The following TTLL2 variants were observed in gnomAD, a reference collection of about 807,000 sequenced individuals.
TTLL2 encodes the protein probable tubulin polyglutamylase TTLL2.
A neutral mutation model predicts 7.5 loss-of-function variants in TTLL2; 10 were observed. That is an observed-to-expected ratio of 1.33 (90% CI 0.82 to 2.25). The LOEUF (loss-of-function observed/expected upper bound fraction) is 2.25, where lower values mean the gene tolerates loss of function less well. Ranked by LOEUF, TTLL2 falls within the 30% of genes most tolerant of loss-of-function variation. TTLL2 has a pLI of 0.00. For missense variants in TTLL2, 733 were observed against 735.7 expected, an observed-to-expected ratio of 1.00 and a Z score of 0.04; for synonymous variants, 284 against 280.3, an observed-to-expected ratio of 1.01 and a Z score of -0.13.
At chr6:167,338,616 G>A in intron 1 of TTLL2, 31 bp from the exon 2 acceptor site, 1 of 1,594,280 alleles carries the variant, frequency 6.3e-7, no homozygotes, top group Non-Finnish European at 8.6e-7. Flanking sequence ...GAGATGCTGT[G>A]TGTTCATTGT....
chr6:167,328,482 T>C (rs1332896988), intron 1 of TTLL2: 2 of 217,626 alleles, frequency 9.2e-6, no homozygotes, highest in African/African-American at 2.2e-5. Context: ...GTCTATGCCC[T>C]GATGACATTG....
At position 167,340,269 on chromosome 6, in the gene TTLL2, G is replaced by A. The variant is rs1364577731; in HGVS notation, c.369G>A (p.Leu123=). 3 of 1,613,978 alleles carry A rather than the reference G, an allele frequency of 1.9e-6. No individual in the cohort carries two copies. The highest frequency in any genetic ancestry group is 2.5e-6 in the Non-Finnish European group (3 of 1,180,012). Residue 123 remains leucine (L), a synonymous_variant, in exon 3 of 3, where the codon CTG becomes CTA. Coordinates refer to ENST00000239587, the MANE Select transcript of TTLL2 (RefSeq NM_031949.5). ...AGCAGAACGCGGAGGACTGGAACCT[G>A]TACTGGAGGACATCCTCTTTCCGAA... ...KQEQNAEDWN[L]YWRTSSFRMT... is the part of the protein sequence containing the mutation.
At position 167,340,917 on chromosome 6, in the gene TTLL2, G is replaced by C. The variant is rs1779080357; in HGVS notation, c.1017G>C (p.Leu339=). The change falls in exon 3 of 3, where the codon CTG becomes CTC. Residue 339 remains leucine, a synonymous_variant. Transcript: ENST00000239587. ...SYLRSWDVDD[L]LLWKKIHRMV... is the part of the protein sequence containing the mutation. ...TTCGTAGCTGGGATGTGGACGATCTGCTTTTGTGGAAGAAAATCCACCGCA... is the reference window on the plus strand; with the variant it reads ...TTCGTAGCTGGGATGTGGACGATCTCCTTTTGTGGAAGAAAATCCACCGCA... The C allele has an allele frequency of 1.9e-6, 3 of 1,614,126 alleles. No homozygotes were observed. Among genetic ancestry groups the C allele is most frequent in the South Asian group, 1.1e-5 (1 of 91,066 alleles).
chr6:167,332,120 C>G (rs911642372), intron 1 of TTLL2, among the ~76,000 whole-genome samples: 6 of 152,056 alleles, frequency 3.9e-5, no homozygotes, highest in African/African-American at 7.3e-5. Context: ...GTCACCAAAC[C>G]AGAACAGGTT....
rs1223372701 is a variant in TTLL2 at position 167,341,558 on chromosome 6, C to G, written c.1658C>G (p.Ala553Gly). 3.7e-6 allele frequency: 6 copies of G among 1,614,072 alleles called. No individual in the cohort carries two copies. Among genetic ancestry groups the G allele is most frequent in the African/African-American group, 1.3e-5 (1 of 74,914 alleles). Reference sequence around the variant, plus strand: ...CGTGGCAAAGCTCCAGATCCCCAAGCAGGCAACTTTGTTCTTGTTTTTCCT... The same window carrying G: ...CGTGGCAAAGCTCCAGATCCCCAAGGAGGCAACTTTGTTCTTGTTTTTCCT... ...SDRGKAPDPQ[A>G]GNFVLVFPFN... The change falls in exon 3 of 3, where the codon GCA (alanine) becomes GGA (glycine). Residue 553 changes from alanine (A) to glycine (G), a missense_variant. Coordinates refer to ENST00000239587, the MANE Select transcript of TTLL2 (RefSeq NM_031949.5).
In TTLL2 at chr6:167,341,502, G is replaced by T; in HGVS notation, c.1602G>T (p.Lys534Asn). The T allele has an allele frequency of 1.2e-6, 2 of 1,614,120 alleles. No individual in the cohort carries two copies. Among genetic ancestry groups the T allele is most frequent in the Non-Finnish European group, 1.7e-6 (2 of 1,180,046 alleles). The change falls in exon 3 of 3, where the codon AAG (lysine) becomes AAT (asparagine). Residue 534 changes from lysine to asparagine, a missense_variant. Lys to Asn is a moderately conservative substitution (Grantham distance 94). Transcript: ENST00000239587. ...YASLFQSHSC[K>N]TKTSPCVLSD... Reference sequence around the variant, plus strand: ...CCCTCTTCCAGTCGCACTCCTGCAAGACCAAGACCTCCCCGTGTGTCCTGT... The same window carrying T: ...CCCTCTTCCAGTCGCACTCCTGCAATACCAAGACCTCCCCGTGTGTCCTGT...
intron 1 of TTLL2, among the ~76,000 whole-genome samples, chr6:167,332,479 AAGT>A (rs1257066673): frequency 6.6e-6 from 1 of 152,084 alleles, no homozygotes; most frequent in Non-Finnish European, 1.5e-5. Context: ...TCTGTGAAGA[AAGT>A]CATTGGTAGC....
intron 1 of TTLL2, among the ~76,000 whole-genome samples, chr6:167,331,190 A>G (rs1254824965): frequency 6.6e-6 from 1 of 152,220 alleles, no homozygotes; most frequent in African/African-American, 2.4e-5. Context: ...TGTATAATGT[A>G]TAACGATCTG....
intron 1 of TTLL2, among the ~76,000 whole-genome samples, chr6:167,336,652 G>C (rs1461886100): frequency 6.6e-6 from 1 of 152,020 alleles, no homozygotes; most frequent in Non-Finnish European, 1.5e-5. Context: ...ACAAGACAGT[G>C]GTTTTGCTCG....
In TTLL2 at chr6:167,338,775, G is replaced by C; in HGVS notation, c.176G>C (p.Gly59Ala). The change falls in exon 2 of 3, where the codon GGC becomes GCC. Residue 59 changes from glycine (G) to alanine (A), a missense_variant. Physicochemically the swap from Gly to Ala is moderately conservative, Grantham distance 60. Coordinates refer to ENST00000239587, the MANE Select transcript of TTLL2 (RefSeq NM_031949.5). ...GGTGTTTCCATCCCTCCCAGGCGAG[G>C]CCGCCCAACACCAACACTGGAGAAG... is the stretch of plus-strand genomic sequence containing the variant. ...EAGVSIPPRR[G>A]RPTPTLEKKK... The C allele has an allele frequency of 1.2e-6, 2 of 1,612,918 alleles. No homozygotes were observed. Among genetic ancestry groups the C allele is most frequent in the Non-Finnish European group, 1.7e-6 (2 of 1,179,306 alleles).
intron 1 of TTLL2, chr6:167,328,032 G>A (rs923875646): frequency 4.4e-6 from 2 of 456,276 alleles, no homozygotes; most frequent in Non-Finnish European, 8.8e-6. Flanking sequence ...TCCTGGTGTT[G>A]AATCACATGG....
chr6:167,341,037 C>T lies in TTLL2; in HGVS notation c.1137C>T (p.Asn379=), dbSNP rs150989992. The change falls in exon 3 of 3, where the codon AAC becomes AAT. Residue 379 remains asparagine (N), a synonymous_variant. Transcript: ENST00000239587. ...LFGFDILIDD[N]LKPWLLEVNY... is the part of the protein sequence containing the mutation. ...GGTTTGATATTTTGATTGATGACAA[C>T]TTGAAACCATGGCTTTTAGAGGTCA... 2.3e-5 allele frequency: 37 copies of T among 1,613,916 alleles called. No homozygotes were observed. The African/African-American group carries it at 3.7e-4, about 16-fold the overall frequency.
chr6:167,332,382 A>G lies in TTLL2; in HGVS notation c.48-6265A>G, dbSNP rs541613420. The stretch of plus-strand genomic sequence containing the variant: ...CCCGTTAGCTGACAGCTCACTGTGT[A>G]TGAAGGAACCTTTAGACCCAACTTA... On this transcript the variant is annotated intron_variant, in intron 1 of 2. Coordinates refer to ENST00000239587, the MANE Select transcript of TTLL2 (RefSeq NM_031949.5). Among the ~76,000 whole-genome samples the G allele has an allele frequency of 2.0e-5, 3 of 152,310 alleles. No individual in the cohort carries two copies. The South Asian group carries it at 6.2e-4, about 32-fold the overall frequency.
In TTLL2 at chr6:167,338,844, C is replaced by CTTCCTTCCTTCCTTCCTTCA. The variant is rs1554246405; in HGVS notation, c.204+60_204+61insATTCCTTCCTTCCTTCCTTC. ...AGGTAGTTCCTTCCTTCCTTCCTTC[C>CTTCCTTCCTTCCTTCCTTCA]TTCCTTCCTTCCTTCCTTCCTTCTT... is the stretch of plus-strand genomic sequence containing the variant. On this transcript the variant is annotated intron_variant, in intron 2 of 2. Transcript: ENST00000239587. 5.0e-5 allele frequency: 71 copies of CTTCCTTCCTTCCTTCCTTCA among 1,432,760 alleles called. 1 individual carries two copies. The Admixed American group carries it at 1.0e-3, about 21-fold the overall frequency. The allele number at this position is 1,432,760 out of a possible 1,614,324, so 88.8% of individuals were successfully genotyped here.
At chr6:167,337,954 C>A (rs1779011851) in intron 1 of TTLL2, among the ~76,000 whole-genome samples, 1 of 151,914 alleles carries the variant, frequency 6.6e-6, no homozygotes, top group Admixed American at 6.6e-5. Context: ...ACACACAACA[C>A]ACATACATAC....
chr6:167,341,684 T>C lies in TTLL2; in HGVS notation c.*5T>C, dbSNP rs762129957. On this transcript the variant is annotated 3_prime_UTR_variant, in exon 3 of 3. Transcript: ENST00000239587. Reference sequence around the variant, plus strand: ...ATGAATAAGCAACATTCCTAAGTGGTAAAAAATCAAATCAAGAAAAAGTGA... The same window carrying C: ...ATGAATAAGCAACATTCCTAAGTGGCAAAAAATCAAATCAAGAAAAAGTGA... The C allele has an allele frequency of 5.1e-6, 8 of 1,580,312 alleles. No individual in the cohort carries two copies. The highest frequency in any genetic ancestry group is 6.0e-6 in the Non-Finnish European group (7 of 1,167,630).
intron 1 of TTLL2, among the ~76,000 whole-genome samples, chr6:167,329,883 T>C (rs556121871): frequency 2.0e-5 from 3 of 152,320 alleles, no homozygotes; most frequent in Non-Finnish European, 2.9e-5. Context: ...TATTATAGGC[T>C]AGAAGTCCAA....
At chr6:167,326,254 G>T (rs929220547) in intron 1 of TTLL2, among the ~76,000 whole-genome samples, 1 of 151,950 alleles carries the variant, frequency 6.6e-6, no homozygotes, top group Non-Finnish European at 1.5e-5. Flanking sequence ...ATAATTAACA[G>T]AAAAAATAGT....
chr6:167,338,157 C>A (rs1374525517), intron 1 of TTLL2, among the ~76,000 whole-genome samples: 1 of 151,120 alleles, frequency 6.6e-6, no homozygotes, highest in Admixed American at 6.6e-5. Flanking sequence ...ACACACACAA[C>A]ATAAACACAC....
Sources: allele counts gnomAD v4.1 joint callset (sites outside exome capture counted in the v4.1 genomes callset), GRCh38; gene constraint gnomAD v4.1.1; transcripts MANE v1.5; gene names NCBI Gene and HGNC (gene_info 2026-07-23, HGNC 2026-07-21).